LRRC40: variants seen among roughly 807,000 people sequenced by gnomAD.
The protein encoded by LRRC40 is leucine rich repeat containing 40.
In LRRC40, 76 loss-of-function variants were observed where a neutral mutation model predicts 72.8. The ratio of observed to expected loss-of-function variants is 1.04; its 90% CI spans 0.87 to 1.26. LRRC40 has a LOEUF of 1.26. Among genes scored for constraint, LRRC40 ranks in the 50% most tolerant of loss-of-function variants. The pLI is 0.00. For missense variants in LRRC40, 684 were observed against 698.9 expected (o/e 0.98, Z 0.24); for synonymous variants, 243 against 254.2 (o/e 0.96, Z 0.42).
At chr1:70,192,385 C>G (rs1383922722) in intron 1 of LRRC40, among the ~76,000 whole-genome samples, 1 of 151,994 alleles carries the variant, frequency 6.6e-6, no homozygotes, top group Admixed American at 6.6e-5. Context: ...ATCAGTTCAA[C>G]CAGTTTAGAC....
intron 9 of LRRC40, among the ~76,000 whole-genome samples, chr1:70,164,387 T>C (rs1398928537): frequency 6.6e-6 from 1 of 151,732 alleles, no homozygotes; most frequent in African/African-American, 2.4e-5. Flanking sequence ...CGAAACTCCA[T>C]ATCAAAAGAA....
chr1:70,145,684 C>A lies in LRRC40; in HGVS notation c.*116G>T. 1.8e-6 allele frequency: 1 copy of A among 547,020 alleles called. No homozygotes were observed. 33.9% of individuals were successfully genotyped at this position (547,020 alleles called of 1,614,324 possible). A position where few individuals can be genotyped will look rare whatever the true frequency, so the allele number is the denominator to read the frequency against. The stretch of plus-strand genomic sequence containing the variant: ...CCAACAGGTAGGTGATACTGGGAAA[C>A]TACAAGATCAATTACAATAATCACC... On this transcript the variant is annotated 3_prime_UTR_variant, in exon 15 of 15. Coordinates refer to ENST00000370952, the MANE Select transcript of LRRC40 (RefSeq NM_017768.5).
At chr1:70,151,039 C>T (rs578009371) in intron 13 of LRRC40, 89 bp downstream of exon 13, 2 of 644,946 alleles carry the variant, frequency 3.1e-6, no homozygotes, top group Non-Finnish European at 5.5e-6. Context: ...GTAGAAGGGG[C>T]CTTTTTGTTT....
chr1:70,161,548 CAAAAA>C (rs59986416), intron 9 of LRRC40, among the ~76,000 whole-genome samples: 2 of 118,108 alleles, frequency 1.7e-5, no homozygotes, highest in African/African-American at 3.0e-5. Flanking sequence ...GGCTCCCTCT[CAAAAA>C]AAAAAAAAAA....
At chr1:70,188,826 G>T (rs1189441200) in intron 2 of LRRC40, among the ~76,000 whole-genome samples, 1 of 152,162 alleles carries the variant, frequency 6.6e-6, no homozygotes, top group East Asian at 1.9e-4. Context: ...ATAGGTAGTA[G>T]TATCAGTCTT....
At chr1:70,190,061 G>C (rs1417089450) in intron 1 of LRRC40, among the ~76,000 whole-genome samples, 1 of 152,160 alleles carries the variant, frequency 6.6e-6, no homozygotes, top group Non-Finnish European at 1.5e-5. Flanking sequence ...TGTACAAATT[G>C]AGCAGGGATA....
intron 4 of LRRC40, among the ~76,000 whole-genome samples, chr1:70,183,787 C>T (rs1668301538): frequency 6.6e-6 from 1 of 152,060 alleles, no homozygotes; most frequent in African/African-American, 2.4e-5. Context: ...CTCCTGGGCT[C>T]AAAAAATCCA....
At chr1:70,181,256 T>A in intron 4 of LRRC40, 47 bp from the exon 5 acceptor site, 1 of 1,196,256 alleles carries the variant, frequency 8.4e-7, no homozygotes, top group East Asian at 2.8e-5. Context: ...AGTAAAAAAA[T>A]AAATAAATAA....
intron 11 of LRRC40, among the ~76,000 whole-genome samples, chr1:70,153,294 G>A (rs571235901): frequency 1.1e-4 from 16 of 151,970 alleles, no homozygotes; most frequent in African/African-American, 2.7e-4. Context: ...CCTGGGAGGC[G>A]GAGGTTGTAG....
intron 1 of LRRC40, among the ~76,000 whole-genome samples, chr1:70,192,955 G>T (rs77394109): frequency 0.1 from 15,538 of 151,782 alleles, 948 homozygotes; most frequent in East Asian, 0.3. Context: ...ACGTACCCTT[G>T]AACCTAAAAT....
In LRRC40 at chr1:70,148,558, C is replaced by G. The variant is rs1342902174; in HGVS notation, c.1632G>C (p.Leu544=). The G allele has an allele frequency of 6.2e-7, 1 of 1,613,456 alleles. No individual in the cohort carries two copies. The highest frequency in any genetic ancestry group is 8.5e-7 in the Non-Finnish European group (1 of 1,179,668). Residue 544 remains leucine (L), a synonymous_variant, in exon 14 of 15, where the codon CTG becomes CTC. Transcript: ENST00000370952. ...DPQKMKMMEN[L]TTLDLQNNDL... is the part of the protein sequence containing the mutation. The stretch of plus-strand genomic sequence containing the variant: ...CATTATTTTGAAGGTCCAACGTGGT[C>G]AGATTTTCCATCATCTTCATTTTCT...
intron 9 of LRRC40, among the ~76,000 whole-genome samples, chr1:70,166,399 C>T (rs923705181): frequency 6.6e-6 from 1 of 152,038 alleles, no homozygotes; most frequent in African/African-American, 2.4e-5. Context: ...GTGACTCATG[C>T]CTGTAAATCC....
intron 10 of LRRC40, 135 bp from the exon 11 acceptor site, chr1:70,155,931 A>T (rs1001261081): frequency 9.2e-6 from 4 of 432,774 alleles, no homozygotes. Context: ...ATTTTGTAAC[A>T]AATGCCACAT....
rs1558110648 is a variant in LRRC40 at position 70,155,683 on chromosome 1, T to G, written c.1328+6A>C. ...CAACCTATAGACATGGCATCATAGT[T>G]CTTACCTTTTTGGAATTTCACATAG... On this transcript the variant is annotated splice_donor_region_variant and intron_variant, in intron 11 of 14. Coordinates refer to ENST00000370952, the MANE Select transcript of LRRC40 (RefSeq NM_017768.5). 4 of 1,420,346 alleles carry G rather than the reference T, an allele frequency of 2.8e-6. No homozygotes were observed. The Admixed American group carries it at 7.4e-5, about 26-fold the overall frequency. The allele number at this position is 1,420,346 out of a possible 1,614,324, so 88.0% of individuals were successfully genotyped here.
chr1:70,155,619 A>G, intron 11 of LRRC40, 70 bp downstream of exon 11: 1 of 681,528 alleles, frequency 1.5e-6, no homozygotes, highest in Non-Finnish European at 2.3e-6. Context: ...TGGAAAAACC[A>G]ATTTAAAAAC....
chr1:70,160,216 A>T (rs985216745), intron 9 of LRRC40, among the ~76,000 whole-genome samples: 6 of 152,222 alleles, frequency 3.9e-5, no homozygotes, highest in African/African-American at 1.4e-4. Flanking sequence ...GCATTAGCAC[A>T]TAAGAGCAGA....
intron 9 of LRRC40, among the ~76,000 whole-genome samples, chr1:70,161,765 T>TA (rs891463167): frequency 1.8e-4 from 28 of 152,054 alleles, no homozygotes; most frequent in Non-Finnish European, 4.4e-5. Flanking sequence ...CTCTTAGAAA[T>TA]AAGAGTAAAA....
rs373261759 is a variant in LRRC40 at position 70,178,803 on chromosome 1, A to G, written c.804+48T>C. 589 of 1,245,614 alleles carry G rather than the reference A, an allele frequency of 4.7e-4. 3 individuals carry two copies. In the South Asian group the frequency reaches 5.3e-3, roughly 11 times the overall value. 77.2% of individuals were successfully genotyped at this position (1,245,614 alleles called of 1,614,324 possible). ...AGCTCCTTTAAAAATGCATTTTAAT[A>G]ATTAACTTTTGGAAAATATAGTTAT... On this transcript the variant is annotated intron_variant, in intron 6 of 14. Coordinates refer to ENST00000370952, the MANE Select transcript of LRRC40 (RefSeq NM_017768.5).
chr1:70,175,952 T>C lies in LRRC40; in HGVS notation c.835A>G (p.Met279Val), dbSNP rs763628831. 3 of 1,583,116 alleles carry C rather than the reference T, an allele frequency of 1.9e-6. No homozygotes were observed. The highest frequency in any genetic ancestry group is 2.4e-5 in the South Asian group (2 of 84,490). Residue 279 changes from methionine (M) to valine (V), a missense_variant, in exon 7 of 15, where the codon ATG becomes GTG. Transcript: ENST00000370952. ...ELHVGENQIE[M>V]LEAEHLKHLN... Reference sequence around the variant, plus strand: ...TGTTTAAGATGTTCTGCCTCTAACATTTCAATCTGGTTTTCACCTACGTGC... The same window carrying C: ...TGTTTAAGATGTTCTGCCTCTAACACTTCAATCTGGTTTTCACCTACGTGC...
Sources: allele counts gnomAD v4.1 joint callset (sites outside exome capture counted in the v4.1 genomes callset), GRCh38; gene constraint gnomAD v4.1.1; transcripts MANE v1.5; gene names NCBI Gene and HGNC (gene_info 2026-07-23, HGNC 2026-07-21).